NAP1L4: variants seen among roughly 807,000 people sequenced by gnomAD.
NAP1L4 encodes nucleosome assembly protein 1-like 4.
In NAP1L4, 15 loss-of-function variants were observed where a neutral mutation model predicts 58.2. That is an observed-to-expected ratio of 0.26 (90% CI 0.17 to 0.40). The LOEUF (loss-of-function observed/expected upper bound fraction) is 0.40, where lower values mean the gene tolerates loss of function less well. Ranked by LOEUF, NAP1L4 falls within the 10% of genes least tolerant of loss-of-function variation. The pLI is 1.00. For missense variants in NAP1L4, 384 were observed against 451.1 expected, an observed-to-expected ratio of 0.85 and a Z score of 1.35; for synonymous variants, 171 against 155.6, an observed-to-expected ratio of 1.10 and a Z score of -0.74.
intron 4 of NAP1L4, among the ~76,000 whole-genome samples, chr11:2,974,555 C>A (rs1327137243): frequency 6.6e-6 from 1 of 152,174 alleles, no homozygotes; most frequent in African/African-American, 2.4e-5. Flanking sequence ...ACCTTGCCCA[C>A]TAAGTAATCT....
chr11:2,970,858 C>CA (rs58552553), intron 6 of NAP1L4, among the ~76,000 whole-genome samples: 3,258 of 110,208 alleles, frequency 0.03, 134 homozygotes, highest in African/African-American at 0.11. Flanking sequence ...ACCCCCCCCC[C>CA]AAAAAAAAAA....
At position 2,945,653 on chromosome 11, in the gene NAP1L4, A is replaced by G. The variant is rs531375652; in HGVS notation, c.*33-7T>C. On this transcript the variant is annotated splice_polypyrimidine_tract_variant and splice_region_variant and intron_variant, in intron 15 of 15. Coordinates refer to ENST00000380542, the MANE Select transcript of NAP1L4 (RefSeq NM_005969.4). ...CCGGCTGGCTGGGTTCCTTCTGTCA[A>G]TGAAAAAGACAAGGCTTGTAGAGAG... 749 of 1,535,964 alleles carry G rather than the reference A, an allele frequency of 4.9e-4. 2 individuals carry two copies. The African/African-American group carries it at 9.1e-3, about 19-fold the overall frequency.
intron 1 of NAP1L4, chr11:2,989,311 C>G (rs901609660): frequency 1.3e-5 from 2 of 152,216 alleles, no homozygotes; most frequent in Non-Finnish European, 2.9e-5. Flanking sequence ...CTAGCAATCT[C>G]AGGCCAAACT....
chr11:2,982,576 AAAG>A (rs1234210134), intron 1 of NAP1L4, among the ~76,000 whole-genome samples: 1 of 152,256 alleles, frequency 6.6e-6, no homozygotes, highest in Non-Finnish European at 1.5e-5. Context: ...GTTTACACGA[AAAG>A]AAGCTGAGGC....
intron 1 of NAP1L4, chr11:2,988,234 CCTT>C (rs1204457228): frequency 6.6e-6 from 1 of 152,246 alleles, no homozygotes; most frequent in Non-Finnish European, 1.5e-5. Context: ...TCTCCTCCAC[CCTT>C]CTTTTCTGGG....
chr11:2,959,991 T>C lies in NAP1L4; in HGVS notation c.607-82A>G, dbSNP rs1366956638. Reference sequence around the variant, plus strand: ...ATTGCTTGGAGTACACAACACTTACTAGAAGCTATTTTGGGAAAGCTCAAC... The same window carrying C: ...ATTGCTTGGAGTACACAACACTTACCAGAAGCTATTTTGGGAAAGCTCAAC... On this transcript the variant is annotated intron_variant, in intron 8 of 15. Transcript: ENST00000380542. This position sits in a 1 kb window ranked among gnomAD's most constrained non-coding sequence, Gnocchi z 4.9. 6 of 1,420,738 alleles carry C rather than the reference T, an allele frequency of 4.2e-6. No homozygotes were observed. Among genetic ancestry groups the C allele is most frequent in the Non-Finnish European group, 4.8e-6 (5 of 1,039,154 alleles). The allele number at this position is 1,420,738 out of a possible 1,614,324, so 88.0% of individuals were successfully genotyped here. A position where few individuals can be genotyped will look rare whatever the true frequency, so the allele number is the denominator to read the frequency against.
intron 1 of NAP1L4, among the ~76,000 whole-genome samples, chr11:2,985,185 T>C (rs2134018723): frequency 6.6e-6 from 1 of 152,280 alleles, no homozygotes; most frequent in Non-Finnish European, 1.5e-5. Context: ...ACTAACGGAG[T>C]TTCAGAATTT....
chr11:2,979,704 G>A (rs751425784), intron 1 of NAP1L4, among the ~76,000 whole-genome samples: 2 of 151,876 alleles, frequency 1.3e-5, no homozygotes, highest in African/African-American at 4.8e-5. Flanking sequence ...CCCAGGAGGC[G>A]GAGGTTGCAG....
chr11:2,950,980 G>C (rs1018182410), intron 14 of NAP1L4: 17 of 366,924 alleles, frequency 4.6e-5, no homozygotes, highest in Non-Finnish European at 8.2e-5. Context: ...TTAAAAGAAT[G>C]AAACACTTGG....
At chr11:2,965,400 G>A (rs1175711625) in intron 7 of NAP1L4, among the ~76,000 whole-genome samples, 3 of 152,120 alleles carry the variant, frequency 2.0e-5, no homozygotes, top group Admixed American at 2.0e-4. Flanking sequence ...AGCTGGTGAT[G>A]GTACTTATTT....
chr11:2,976,032 G>A lies in NAP1L4; in HGVS notation c.165C>T (p.Tyr55=), dbSNP rs1590257175. The change falls in exon 4 of 16, where the codon TAC becomes TAT. Residue 55 remains tyrosine, a synonymous_variant. Transcript: ENST00000380542. ...ATTCACAGCACACTTACGTTTCGAT[G>A]TAGCTGGAAGGGGTGTGAGGGACAT... ...LDNVPHTPSS[Y]IETLPKAVKR... 2 of 1,612,670 alleles carry A rather than the reference G, an allele frequency of 1.2e-6. No homozygotes were observed. The highest frequency in any genetic ancestry group is 8.5e-7 in the Non-Finnish European group (1 of 1,179,540).
At position 2,949,312 on chromosome 11, in the gene NAP1L4, G is replaced by A; in HGVS notation, c.1123-48C>T. 1 of 1,466,564 alleles carries A rather than the reference G, an allele frequency of 6.8e-7. No homozygotes were observed. The highest frequency in any genetic ancestry group is 9.6e-7 in the Non-Finnish European group (1 of 1,045,916). 90.8% of individuals were successfully genotyped at this position (1,466,564 alleles called of 1,614,324 possible). A position where few individuals can be genotyped will look rare whatever the true frequency, so the allele number is the denominator to read the frequency against. ...AGGAACTGTCAGCATGAAAGAAAAT[G>A]AAATGCACAAAATTATACAGGAGGA... On this transcript the variant is annotated intron_variant, in intron 14 of 15. Transcript: ENST00000380542. The surrounding 1 kb of genome is among the most constrained non-coding windows in gnomAD (Gnocchi z 4.0).
intron 1 of NAP1L4, 74 bp from the exon 2 acceptor site, chr11:2,979,311 G>C: frequency 7.9e-7 from 1 of 1,265,120 alleles, no homozygotes; most frequent in Non-Finnish European, 1.1e-6. Context: ...TTTAAACAAC[G>C]GTTATCTGTG....
chr11:2,969,278 C>CT (rs541519958), intron 7 of NAP1L4, among the ~76,000 whole-genome samples: 23 of 151,732 alleles, frequency 1.5e-4, no homozygotes, highest in Admixed American at 4.6e-4. Context: ...TGCCTGGCCT[C>CT]TTTTTTTAAA....
rs568358078 is a variant in NAP1L4 at position 2,953,500 on chromosome 11, A to G, written c.1035+1027T>C. On this transcript the variant is annotated intron_variant, in intron 12 of 15. Coordinates refer to ENST00000380542, the MANE Select transcript of NAP1L4 (RefSeq NM_005969.4). ...AGGCAGAGGACAGTTCCATCAACAG[A>G]GAAAGTTCTACTGGAAAGTGCTGGT... 3.9e-5 allele frequency among the ~76,000 whole-genome samples: 6 copies of G among 152,346 alleles called. No individual in the cohort carries two copies. In the South Asian group the frequency reaches 8.3e-4, roughly 21 times the overall value.
chr11:2,979,667 G>A (rs1303222269), intron 1 of NAP1L4, among the ~76,000 whole-genome samples: 1 of 152,032 alleles, frequency 6.6e-6, no homozygotes, highest in Non-Finnish European at 1.5e-5. Flanking sequence ...CGCTACTCAG[G>A]AGGCTGAGGC....
At position 2,959,519 on chromosome 11, in the gene NAP1L4, CAG is replaced by C. The variant is rs1846733902; in HGVS notation, c.746+249_746+250del. Among the ~76,000 whole-genome samples the C allele has an allele frequency of 6.6e-6, 1 of 152,188 alleles. No homozygotes were observed. Among genetic ancestry groups the C allele is most frequent in the Non-Finnish European group, 1.5e-5 (1 of 68,038 alleles). On this transcript the variant is annotated intron_variant, in intron 9 of 15. Transcript: ENST00000380542. The surrounding 1 kb of genome is among the most constrained non-coding windows in gnomAD (Gnocchi z 4.9). ...CACTACTTTCATTAAAATGAAGAAA[CAG>C]GGCACTATCCCAAAGGCTTGCATGT...
chr11:2,954,529 T>C lies in NAP1L4; in HGVS notation c.1033A>G (p.Asn345Asp), dbSNP rs1404698959. 8.7e-6 allele frequency: 14 copies of C among 1,614,122 alleles called. No individual in the cohort carries two copies. The highest frequency in any genetic ancestry group is 1.2e-5 in the Non-Finnish European group (14 of 1,180,004). The part of the protein sequence containing the change: ...FTGEAIEDDD[N>D]FEEGEEGEEE... ...CCCCCCTTCCCCGAGCCTCATACAT[T>C]GTCATCATCTTCTATGGCCTCCCCA... The change falls in exon 12 of 16, where the codon AAT (asparagine) becomes GAT (aspartate). Residue 345 changes from asparagine (N) to aspartate (D), a missense_variant and splice_region_variant. Around this residue, in one of 3 missense-constraint regions of NAP1L4, gnomAD observed 296 missense variants for 360.8 expected, o/e 0.82. Transcript: ENST00000380542. The surrounding 1 kb of genome is among the most constrained non-coding windows in gnomAD (Gnocchi z 4.8).
intron 4 of NAP1L4, 114 bp downstream of exon 4, chr11:2,975,910 G>A: frequency 1.1e-6 from 1 of 914,814 alleles, no homozygotes; most frequent in Non-Finnish European, 1.6e-6. Context: ...CATAGACAAT[G>A]TCTTGGAACG....
Sources: allele counts gnomAD v4.1 joint callset (sites outside exome capture counted in the v4.1 genomes callset), GRCh38; gene constraint gnomAD v4.1.1; regional missense constraint gnomAD v4.1.1; non-coding constraint Gnocchi (gnomAD v3.1); transcripts MANE v1.5; gene names NCBI Gene and HGNC (gene_info 2026-07-23, HGNC 2026-07-21).